Variants in DLG2 observed in about 807,000 individuals in gnomAD.
DLG2 encodes the protein disks large homolog 2.
Under a neutral mutation model 132.5 loss-of-function variants are expected in DLG2, and 45 were observed. The observed-to-expected ratio is 0.34, with a 90% CI of 0.27 to 0.44. The LOEUF (loss-of-function observed/expected upper bound fraction) is 0.44, where lower values mean the gene tolerates loss of function less well. DLG2 is among the 20% of genes least tolerant of loss of function. The probability of loss-of-function intolerance (pLI) is 1.00; values close to 1 mark genes in which losing one functional copy is unlikely to be tolerated. For synonymous variants in DLG2, 424 were observed against 419.6 expected (o/e 1.01, Z -0.13); for missense variants, 1,045 against 1,196.9 (o/e 0.87, Z 1.87).
chr11:85,004,668 C>T lies in DLG2; in HGVS notation c.357+106993G>A, dbSNP rs116946028. The stretch of plus-strand genomic sequence containing the variant: ...AACTTTTCTCCCATTCTGTAGACTG[C>T]CTGTTCACTCTGATAATAGTTTTTT... On this transcript the variant is annotated intron_variant, in intron 6 of 27. Transcript: ENST00000376104. Among the ~76,000 whole-genome samples the T allele has an allele frequency of 9.6e-3, 1,463 of 152,134 alleles. 12 individuals are homozygous for T. The highest frequency in any genetic ancestry group is 0.017 in the Middle Eastern group (5 of 294).
chr11:84,930,950 T>A (rs1591463676), intron 6 of DLG2, among the ~76,000 whole-genome samples: 4 of 152,098 alleles, frequency 2.6e-5, no homozygotes, highest in Non-Finnish European at 5.9e-5. Context: ...TGACTCTGAC[T>A]TCTTAACACA....
At chr11:84,911,140 C>T (rs1173206312) in intron 6 of DLG2, among the ~76,000 whole-genome samples, 8 of 152,150 alleles carry the variant, frequency 5.3e-5, no homozygotes, top group African/African-American at 1.4e-4. Context: ...ATTGTTTATG[C>T]TTCATAACAA....
At chr11:85,021,258 A>T in intron 6 of DLG2, 1 of 1,294,198 alleles carries the variant, frequency 7.7e-7, no homozygotes, top group Non-Finnish European at 1.1e-6. Flanking sequence ...GAGGAGGAGG[A>T]GGAGGTACAC....
At chr11:83,570,727 A>T (rs1276848003) in intron 19 of DLG2, among the ~76,000 whole-genome samples, 2 of 152,128 alleles carry the variant, frequency 1.3e-5, no homozygotes, top group Non-Finnish European at 2.9e-5. Flanking sequence ...GGGGAGGAGG[A>T]AGATTCATAA....
intron 7 of DLG2, among the ~76,000 whole-genome samples, chr11:84,293,388 C>A (rs1199463021): frequency 6.6e-6 from 1 of 151,928 alleles, no homozygotes; most frequent in Non-Finnish European, 1.5e-5. Context: ...TTAAAGATAT[C>A]ATAGGCTGGG....
At chr11:83,517,308 C>G (rs552397686) in intron 21 of DLG2, among the ~76,000 whole-genome samples, 1 of 152,130 alleles carries the variant, frequency 6.6e-6, no homozygotes, top group Non-Finnish European at 1.5e-5. Context: ...TCTAGTTGAT[C>G]GAATTGGCTA....
chr11:84,111,718 A>C (rs2093358000), intron 9 of DLG2, among the ~76,000 whole-genome samples: 1 of 152,214 alleles, frequency 6.6e-6, no homozygotes, highest in African/African-American at 2.4e-5. Context: ...TGCAAACCAA[A>C]TAAAAGACGT....
At chr11:83,979,606 AAT>A (rs1207546478) in intron 12 of DLG2, among the ~76,000 whole-genome samples, 1 of 152,172 alleles carries the variant, frequency 6.6e-6, no homozygotes, top group Non-Finnish European at 1.5e-5. Flanking sequence ...GCTGTGTGTC[AAT>A]GTCAATCACT....
chr11:85,559,096 T>C (rs4294591), intron 3 of DLG2, among the ~76,000 whole-genome samples: 5 of 151,554 alleles, frequency 3.3e-5, no homozygotes, highest in African/African-American at 1.2e-4. Context: ...AAATGGAATA[T>C]AGGGTTCCAA....
At chr11:84,985,998 A>C (rs941457742) in intron 6 of DLG2, among the ~76,000 whole-genome samples, 3 of 149,770 alleles carry the variant, frequency 2.0e-5, no homozygotes, top group African/African-American at 7.3e-5. Flanking sequence ...TCTCAAAAAA[A>C]AAAAAAAAAA....
At chr11:85,128,249 G>A (rs981698260) in intron 5 of DLG2, among the ~76,000 whole-genome samples, 4 of 151,806 alleles carry the variant, frequency 2.6e-5, no homozygotes, top group African/African-American at 7.3e-5. Context: ...GTATAAGTAT[G>A]GTTAATGGAT....
chr11:85,419,015 G>C (rs2090087731), intron 3 of DLG2, among the ~76,000 whole-genome samples: 1 of 151,960 alleles, frequency 6.6e-6, no homozygotes, highest in African/African-American at 2.4e-5. Context: ...TTTTCATAGT[G>C]TCGATGGTAT....
intron 18 of DLG2, chr11:83,652,020 A>G: frequency 3.1e-6 from 1 of 321,638 alleles, no homozygotes. Context: ...CTGTTAGAGA[A>G]TTGAATTCAC....
intron 6 of DLG2, among the ~76,000 whole-genome samples, chr11:84,972,094 A>C (rs1425587388): frequency 6.6e-6 from 1 of 152,152 alleles, no homozygotes; most frequent in Non-Finnish European, 1.5e-5. Context: ...CACACAACAC[A>C]CACACACTGT....
chr11:84,269,909 A>G (rs938042004), intron 7 of DLG2, among the ~76,000 whole-genome samples: 1 of 152,228 alleles, frequency 6.6e-6, no homozygotes, highest in Non-Finnish European at 1.5e-5. Flanking sequence ...TCTCTCTTAC[A>G]AAGTGATGAT....
intron 6 of DLG2, among the ~76,000 whole-genome samples, chr11:84,645,076 TACCCTACAGGC>T (rs1443207779): frequency 6.6e-6 from 1 of 152,156 alleles, no homozygotes; most frequent in African/African-American, 2.4e-5. Context: ...ACCATGACCT[TACCCTACAGGC>T]ACTCCTACTT....
At chr11:84,139,833 G>T (rs1281235174) in intron 9 of DLG2, among the ~76,000 whole-genome samples, 4 of 152,170 alleles carry the variant, frequency 2.6e-5, no homozygotes, top group Non-Finnish European at 5.9e-5. Context: ...AACAGTAATT[G>T]TTCCAAATTT....
At chr11:85,400,871 A>T (rs2088009355) in intron 3 of DLG2, among the ~76,000 whole-genome samples, 1 of 151,710 alleles carries the variant, frequency 6.6e-6, no homozygotes, top group Non-Finnish European at 1.5e-5. Context: ...AGCATGGCAC[A>T]TGTATACATA....
intron 7 of DLG2, among the ~76,000 whole-genome samples, chr11:84,291,390 T>G (rs2097994825): frequency 6.6e-6 from 1 of 152,180 alleles, no homozygotes; most frequent in South Asian, 2.1e-4. Flanking sequence ...CGCTACCTTT[T>G]GAGTTATCAT....
Sources: allele counts gnomAD v4.1 joint callset (sites outside exome capture counted in the v4.1 genomes callset), GRCh38; gene constraint gnomAD v4.1.1; transcripts MANE v1.5; gene names NCBI Gene and HGNC (gene_info 2026-07-23, HGNC 2026-07-21).